Variants in PPP1R12B observed in about 807,000 individuals in gnomAD.
PPP1R12B encodes protein phosphatase 1 regulatory subunit 12B.
Under a neutral mutation model 126.1 loss-of-function variants are expected in PPP1R12B, and 76 were observed. The observed-to-expected ratio is 0.60, with a 90% CI of 0.50 to 0.73. The LOEUF (loss-of-function observed/expected upper bound fraction) is 0.73, where lower values mean the gene tolerates loss of function less well. Ranked by LOEUF, PPP1R12B falls within the 30% of genes least tolerant of loss-of-function variation. The pLI is 0.00. For synonymous variants in PPP1R12B, 356 were observed against 434.7 expected, an observed-to-expected ratio of 0.82 and a Z score of 2.25; for missense variants, 1,052 against 1,205.1, an observed-to-expected ratio of 0.87 and a Z score of 1.88.
At chr1:202,461,839 A>C (rs1162016953) in intron 13 of PPP1R12B, among the ~76,000 whole-genome samples, 1 of 152,158 alleles carries the variant, frequency 6.6e-6, no homozygotes, top group African/African-American at 2.4e-5. Flanking sequence ...CCAGGAATCT[A>C]AGCATTTGAA....
intron 19 of PPP1R12B, among the ~76,000 whole-genome samples, chr1:202,560,925 G>C (rs1486551275): frequency 2.0e-5 from 3 of 152,110 alleles, no homozygotes; most frequent in Non-Finnish European, 4.4e-5. Context: ...TGACGAGTTA[G>C]TGGGTGCAGT....
intron 23 of PPP1R12B, among the ~76,000 whole-genome samples, chr1:202,577,673 T>A (rs1416933316): frequency 2.0e-5 from 3 of 152,124 alleles, no homozygotes; most frequent in Non-Finnish European, 4.4e-5. Flanking sequence ...CCCACTTTCC[T>A]TGTAGTTAAA....
intron 23 of PPP1R12B, among the ~76,000 whole-genome samples, chr1:202,578,259 G>A (rs971673277): frequency 6.6e-6 from 1 of 152,142 alleles, no homozygotes; most frequent in Non-Finnish European, 1.5e-5. Context: ...TTTTAAGGCA[G>A]CTTAGTTCTG....
chr1:202,382,338 G>A (rs1662433943), intron 1 of PPP1R12B, among the ~76,000 whole-genome samples: 1 of 150,698 alleles, frequency 6.6e-6, no homozygotes, highest in African/African-American at 2.4e-5. Flanking sequence ...TGAGTTAATG[G>A]GTGCAGTACG....
chr1:202,395,403 C>CT (rs1235598868), intron 1 of PPP1R12B, among the ~76,000 whole-genome samples: 4 of 152,180 alleles, frequency 2.6e-5, no homozygotes, highest in Non-Finnish European at 4.4e-5. Context: ...CTCATGCCAC[C>CT]TTTTAACTCC....
intron 13 of PPP1R12B, among the ~76,000 whole-genome samples, chr1:202,450,048 A>C (rs1436412911): frequency 6.6e-6 from 1 of 152,214 alleles, no homozygotes; most frequent in South Asian, 2.1e-4. Context: ...ATTGTTAGGC[A>C]TTATTTCACC....
Position 202,585,391 on chromosome 1 carries a change from A to AT in PPP1R12B, c.*4833dup, listed in dbSNP as rs1689758988. 6.6e-6 allele frequency: 1 copy of AT among 152,270 alleles called. No homozygotes were observed. The highest frequency in any genetic ancestry group is 1.9e-4 in the East Asian group (1 of 5,196). The allele number at this position is 152,270 out of a possible 1,614,324, so 9.4% of individuals were successfully genotyped here. A position where few individuals can be genotyped will look rare whatever the true frequency, so the allele number is the denominator to read the frequency against. The stretch of plus-strand genomic sequence containing the variant: ...GCAGCTTTGAGGACAAAAAGGCAAC[A>AT]TTAAAAGATAAGACCCTAGAAGTCA... On this transcript the variant is annotated 3_prime_UTR_variant, in exon 24 of 24. Transcript: ENST00000608999.
intron 1 of PPP1R12B, among the ~76,000 whole-genome samples, chr1:202,400,140 A>T (rs1665616634): frequency 6.6e-6 from 1 of 152,174 alleles, no homozygotes; most frequent in South Asian, 2.1e-4. Context: ...GTGTTAATTT[A>T]CTTAGGATAA....
At chr1:202,353,580 T>C (rs1656430875) in intron 1 of PPP1R12B, among the ~76,000 whole-genome samples, 1 of 129,302 alleles carries the variant, frequency 7.7e-6, no homozygotes, top group South Asian at 2.7e-4. Context: ...TCCCTATTCT[T>C]CTTCTTTGTG....
intron 18 of PPP1R12B, among the ~76,000 whole-genome samples, chr1:202,499,754 A>G (rs1054319120): frequency 6.6e-6 from 1 of 152,264 alleles, no homozygotes; most frequent in Non-Finnish European, 1.5e-5. Flanking sequence ...TCTGTTGTTT[A>G]AACTAAATCT....
At chr1:202,570,392 A>G (rs1688478426) in intron 23 of PPP1R12B, among the ~76,000 whole-genome samples, 1 of 152,204 alleles carries the variant, frequency 6.6e-6, no homozygotes, top group Non-Finnish European at 1.5e-5. Context: ...CTATAATTCC[A>G]GAATGAAGGA....
At chr1:202,519,989 A>C (rs1419531823) in intron 18 of PPP1R12B, among the ~76,000 whole-genome samples, 1 of 152,182 alleles carries the variant, frequency 6.6e-6, no homozygotes, top group East Asian at 1.9e-4. Context: ...TCCTTTGTAG[A>C]GTGGTGATCA....
chr1:202,377,839 T>TG (rs1338661393), intron 1 of PPP1R12B, among the ~76,000 whole-genome samples: 1 of 46,212 alleles, frequency 2.2e-5, no homozygotes, highest in Admixed American at 4.1e-4. Flanking sequence ...GGTGTTTTTT[T>TG]TTTTTTTTTT....
intron 13 of PPP1R12B, among the ~76,000 whole-genome samples, chr1:202,460,925 C>T (rs1168366137): frequency 6.6e-6 from 1 of 152,112 alleles, no homozygotes; most frequent in Non-Finnish European, 1.5e-5. Flanking sequence ...TGTCATATGG[C>T]ACCTCTATGT....
At chr1:202,546,624 GT>G (rs1268942343) in intron 18 of PPP1R12B, among the ~76,000 whole-genome samples, 3 of 151,916 alleles carry the variant, frequency 2.0e-5, no homozygotes, top group Non-Finnish European at 4.4e-5. Context: ...AAAAAATAGT[GT>G]GACAAAATTG....
intron 18 of PPP1R12B, among the ~76,000 whole-genome samples, chr1:202,513,561 A>G (rs1681781791): frequency 6.6e-6 from 1 of 152,198 alleles, no homozygotes; most frequent in Non-Finnish European, 1.5e-5. Flanking sequence ...AGGGCTAGAG[A>G]TAAAGAGTTG....
rs375983770 is a variant in PPP1R12B, at chr1:202,532,860, C to CTTT, written c.2491-25993_2491-25991dup. ...ACCCTTTACCTAGAGATCACATTCA[C>CTTT]TTTTTTTTTTTTTTTTTTTTTTTTT... On this transcript the variant is annotated intron_variant, in intron 18 of 23. Coordinates refer to ENST00000608999, the MANE Select transcript of PPP1R12B (RefSeq NM_002481.4). Among the ~76,000 whole-genome samples, 207 of 93,846 alleles carry CTTT rather than the reference C, an allele frequency of 2.2e-3. 35 individuals carry two copies. The highest frequency in any genetic ancestry group is 8.0e-3 in the African/African-American group (180 of 22,376). The allele number at this position is 93,846 out of a possible 152,430, so 61.6% of individuals were successfully genotyped here.
chr1:202,416,232 T>C (rs1238795435), intron 1 of PPP1R12B, among the ~76,000 whole-genome samples: 2 of 152,142 alleles, frequency 1.3e-5, no homozygotes. Context: ...ATAAATAAGA[T>C]TTAAGTGTCA....
At chr1:202,547,236 G>A (rs1389092876) in intron 18 of PPP1R12B, among the ~76,000 whole-genome samples, 3 of 152,164 alleles carry the variant, frequency 2.0e-5, no homozygotes, top group Non-Finnish European at 4.4e-5. Context: ...GATAATATTT[G>A]GGTGAGCTGG....
Sources: gnomAD v4.1 joint callset for allele counts (sites outside exome capture counted in the v4.1 genomes callset) on GRCh38, gnomAD v4.1.1 for gene constraint, MANE v1.5 for transcripts, NCBI Gene and HGNC (gene_info 2026-07-23, HGNC 2026-07-21) for gene names.